The following SLC6A18 variants were observed in gnomAD, a reference collection of about 807,000 sequenced individuals.
SLC6A18 encodes the protein solute carrier family 6 member 18.
SLC6A18 carries 58 observed loss-of-function variants against 62.9 expected under a neutral mutation model. That is an observed-to-expected ratio of 0.92 (90% CI 0.75 to 1.15). The LOEUF (loss-of-function observed/expected upper bound fraction) is 1.15, where lower values mean the gene tolerates loss of function less well. SLC6A18 is among the 50% of genes most tolerant of loss of function. The pLI, the probability that SLC6A18 is intolerant of heterozygous loss-of-function variation, is 0.00. For missense variants in SLC6A18, 793 were observed against 836.6 expected, an observed-to-expected ratio of 0.95 and a Z score of 0.64; for synonymous variants, 382 against 365.8, an observed-to-expected ratio of 1.04 and a Z score of -0.51.
In SLC6A18 at chr5:1,245,849, A is replaced by G. The variant is rs1579536117; in HGVS notation, c.1658A>G (p.Glu553Gly). 6.2e-7 allele frequency: 1 copy of G among 1,606,420 alleles called. No homozygotes were observed. The highest frequency in any genetic ancestry group is 1.3e-5 in the African/African-American group (1 of 74,788). The change falls in exon 12 of 12, where the codon GAG becomes GGG. Residue 553 changes from glutamate (E) to glycine (G), a missense_variant and splice_region_variant. Coordinates refer to ENST00000324642, the MANE Select transcript of SLC6A18 (RefSeq NM_182632.3). ...GCTAATGAGGCTGTGGTCCCGCAGGAGCTGTTCCCCTCGCGTCAGGAGAAG... is the reference window on the plus strand; with the variant it reads ...GCTAATGAGGCTGTGGTCCCGCAGGGGCTGTTCCCCTCGCGTCAGGAGAAG... ...LRYKAWNPKY[E>G]LFPSRQEKLY...
intron 7 of SLC6A18, 111 bp from the exon 8 acceptor site, chr5:1,242,596 G>A (rs1747091975): frequency 7.0e-7 from 1 of 1,436,954 alleles, no homozygotes; most frequent in Non-Finnish European, 9.3e-7. Context: ...ACAGGGGCAG[G>A]AGGGGCCCAG....
At chr5:1,233,032 T>G in intron 3 of SLC6A18, 144 bp downstream of exon 3, 1 of 1,215,496 alleles carries the variant, frequency 8.2e-7, no homozygotes. Context: ...TGTGTGCACA[T>G]GCACGCGCCT....
Position 1,244,198 on chromosome 5 carries a change from T to A in SLC6A18, c.1337-16T>A, listed in dbSNP as rs766620955. 4.3e-5 allele frequency: 15 copies of A among 350,358 alleles called. No homozygotes were observed. Among genetic ancestry groups the A allele is most frequent in the Non-Finnish European group, 6.5e-5 (14 of 217,048 alleles). 21.7% of individuals were successfully genotyped at this position (350,358 alleles called of 1,614,324 possible). A position where few individuals can be genotyped will look rare whatever the true frequency, so the allele number is the denominator to read the frequency against. On this transcript the variant is annotated splice_polypyrimidine_tract_variant and intron_variant, in intron 9 of 11. Transcript: ENST00000324642. ...CCCATCCCCTTACCCCCCACACCCC[T>A]TTCCCACTGCCCCAGGGCTGGTCTG...
rs1746858176 is a variant in SLC6A18, at chr5:1,235,488, G to A, written c.447G>A (p.Val149=). 6.2e-7 allele frequency: 1 copy of A among 1,613,624 alleles called. No individual in the cohort carries two copies. The highest frequency in any genetic ancestry group is 1.3e-5 in the African/African-American group (1 of 74,944). ...CAGGCCCCCTGGTTTCAGGGTTTGTGGAGGAGTGCCAGGGCAGCAGCGCCG... is the reference window on the plus strand; with the variant it reads ...CAGGCCCCCTGGTTTCAGGGTTTGTAGAGGAGTGCCAGGGCAGCAGCGCCG... ...CPPDLNRTGF[V]EECQGSSAVS... The change falls in exon 4 of 12, where the codon GTG becomes GTA. Residue 149 remains valine, a synonymous_variant. Transcript: ENST00000324642.
intron 3 of SLC6A18, 61 bp downstream of exon 3, chr5:1,232,949 G>A (rs1431193666): frequency 6.5e-7 from 1 of 1,545,960 alleles, no homozygotes; most frequent in African/African-American, 1.4e-5. Flanking sequence ...ATGTGCTGCA[G>A]CGTGTCCAGC....
chr5:1,232,357 T>C lies in SLC6A18; in HGVS notation c.299T>C (p.Val100Ala), dbSNP rs372902218. 7 of 1,609,072 alleles carry C rather than the reference T, an allele frequency of 4.4e-6. No individual in the cohort carries two copies. Among genetic ancestry groups the C allele is most frequent in the African/African-American group, 1.3e-5 (1 of 74,740 alleles). ...WTAISPYLSGVGLGCVTLSFL... is the reference protein window; with the variant it reads ...WTAISPYLSGAGLGCVTLSFL... ...GCCATCTCCCCGTACCTCAGTGGAG[T>C]AGGTAGGCCACCGTCCTCGCTTGCC... is the stretch of plus-strand genomic sequence containing the variant. Residue 100 changes from valine to alanine, a missense_variant and splice_region_variant, in exon 2 of 12, where the codon GTA becomes GCA. Transcript: ENST00000324642.
intron 3 of SLC6A18, among the ~76,000 whole-genome samples, chr5:1,234,700 C>T (rs551533410): frequency 3.3e-5 from 5 of 152,330 alleles, no homozygotes; most frequent in African/African-American, 9.6e-5. Flanking sequence ...CTGCCCATGC[C>T]CTTCCCTCAG....
chr5:1,229,837 G>A (rs1746677435), intron 1 of SLC6A18, among the ~76,000 whole-genome samples: 1 of 151,544 alleles, frequency 6.6e-6, no homozygotes. Context: ...AGGTAAGAGG[G>A]GCTCTCACGG....
rs1746947345 is a variant in SLC6A18, at chr5:1,238,311, A to AGGTGGACTTTGGCACCTGT, written c.732+253_732+254insTGGACTTTGGCACCTGTGG. The stretch of plus-strand genomic sequence containing the variant: ...GGTTTGGAGTGGGCCTGGAGGACTC[A>AGGTGGACTTTGGCACCTGT]GGAAAGACATCAGGTTTGGAGTGAG... On this transcript the variant is annotated intron_variant, in intron 5 of 11. Coordinates refer to ENST00000324642, the MANE Select transcript of SLC6A18 (RefSeq NM_182632.3). Among the ~76,000 whole-genome samples the AGGTGGACTTTGGCACCTGT allele has an allele frequency of 1.5e-5, 2 of 132,620 alleles. 1 individual carries two copies. The allele number at this position is 132,620 out of a possible 152,430, so 87.0% of individuals were successfully genotyped here. A position where few individuals can be genotyped will look rare whatever the true frequency, so the allele number is the denominator to read the frequency against.
intron 1 of SLC6A18, among the ~76,000 whole-genome samples, chr5:1,226,936 T>G (rs1746586402): frequency 6.7e-6 from 1 of 149,442 alleles, no homozygotes; most frequent in Admixed American, 6.7e-5. Flanking sequence ...ACCGATGCCT[T>G]TCCTGCTGAT....
intron 1 of SLC6A18, among the ~76,000 whole-genome samples, chr5:1,230,904 C>T (rs1275114981): frequency 6.6e-6 from 1 of 152,198 alleles, no homozygotes; most frequent in Non-Finnish European, 1.5e-5. Context: ...CGAACTCGTG[C>T]ACAGACGGTG....
At chr5:1,240,965 A>G (rs1339370687) in intron 7 of SLC6A18, among the ~76,000 whole-genome samples, 1 of 152,214 alleles carries the variant, frequency 6.6e-6, no homozygotes, top group East Asian at 1.9e-4. Context: ...GGCCACGTGA[A>G]GACAGGCAGA....
At chr5:1,228,858 A>G (rs2126525589) in intron 1 of SLC6A18, among the ~76,000 whole-genome samples, 1 of 152,326 alleles carries the variant, frequency 6.6e-6, no homozygotes, top group Admixed American at 6.5e-5. Flanking sequence ...GATGACAGAG[A>G]AAGATGCTGT....
chr5:1,233,021 C>G (rs991088663), intron 3 of SLC6A18, 133 bp downstream of exon 3: 4 of 1,344,300 alleles, frequency 3.0e-6, no homozygotes, highest in Non-Finnish European at 4.0e-6. Context: ...ACCGGTTGCT[C>G]TGTGTGCACA....
intron 3 of SLC6A18, among the ~76,000 whole-genome samples, chr5:1,234,259 A>C (rs973369354): frequency 6.6e-6 from 1 of 152,140 alleles, no homozygotes; most frequent in Admixed American, 6.5e-5. Flanking sequence ...GCTAAAACTC[A>C]CGCTGGGCTG....
chr5:1,235,416 C>T, intron 3 of SLC6A18, 65 bp from the exon 4 acceptor site: 1 of 1,536,608 alleles, frequency 6.5e-7, no homozygotes, highest in Non-Finnish European at 8.9e-7. Context: ...AAATTGAGCT[C>T]AAGAGCCACA....
chr5:1,244,638 G>A lies in SLC6A18; in HGVS notation c.1527G>A (p.Gly509=). 10 of 1,607,412 alleles carry A rather than the reference G, an allele frequency of 6.2e-6. No individual in the cohort carries two copies. The highest frequency in any genetic ancestry group is 8.5e-6 in the Non-Finnish European group (10 of 1,175,230). Residue 509 remains glycine, a synonymous_variant, in exon 11 of 12, where the codon GGG becomes GGA. Transcript: ENST00000324642. ...GCGATGACATTGCGTGGATGACCGG[G>A]AGGCGGCCCAGCCCCTACTGGCGGC... ...RFCDDIAWMT[G]RRPSPYWRLT... is the part of the protein sequence containing the mutation.
rs377248815 is a variant in SLC6A18, at chr5:1,235,554, C to T, written c.513C>T (p.Ala171=). Residue 171 remains alanine (A), a synonymous_variant, in exon 4 of 12, where the codon GCC becomes GCT. Transcript: ENST00000324642. ...FWYRQTLNIT[A]DINDSGSIQW... is the part of the protein sequence containing the mutation. ...ACCGGCAGACACTGAACATCACAGC[C>T]GACATCAATGACAGTGGCTCCATCC... 7.7e-5 allele frequency: 124 copies of T among 1,613,936 alleles called. No individual in the cohort carries two copies. Among genetic ancestry groups the T allele is most frequent in the African/African-American group, 2.0e-4 (15 of 74,928 alleles).
chr5:1,233,695 ACCTCCACTT>A (rs1344534860), intron 3 of SLC6A18, among the ~76,000 whole-genome samples: 3 of 139,578 alleles, frequency 2.1e-5, no homozygotes, highest in African/African-American at 8.3e-5. Context: ...TGATTCTCCT[ACCTCCACTT>A]CCCAAGCAGC....
Sources: gnomAD v4.1 joint callset for allele counts (sites outside exome capture counted in the v4.1 genomes callset) on GRCh38, gnomAD v4.1.1 for gene constraint, MANE v1.5 for transcripts, NCBI Gene and HGNC (gene_info 2026-07-23, HGNC 2026-07-21) for gene names.